CHM: variants seen among roughly 807,000 people sequenced by gnomAD.
CHM encodes rab proteins geranylgeranyltransferase component A 1.
Under a neutral mutation model 49.0 loss-of-function variants are expected in CHM, and 10 were observed. The observed-to-expected ratio is 0.20, with a 90% CI of 0.13 to 0.35. The LOEUF (loss-of-function observed/expected upper bound fraction) is 0.35. CHM is among the 10% of genes least tolerant of loss of function. The probability of loss-of-function intolerance (pLI) is 1.00; values close to 1 mark genes in which losing one functional copy is unlikely to be tolerated. For synonymous variants in CHM, 184 were observed against 167.5 expected, an observed-to-expected ratio of 1.10 and a Z score of -0.76; for missense variants, 455 against 478.4, an observed-to-expected ratio of 0.95 and a Z score of 0.46.
chrX:85,888,319 T>C lies in CHM; in HGVS notation c.1510+5869A>G, dbSNP rs151088587. ...TTATTAAATGCAAGTTTAAACACAA[T>C]ATTTCAATTTTCAAATTGGCAAAAG... On this transcript the variant is annotated intron_variant, in intron 12 of 14. Transcript: ENST00000357749. Among the ~76,000 whole-genome samples, 969 of 112,086 alleles carry C rather than the reference T, an allele frequency of 8.6e-3. 16 individuals are homozygous for C. The highest frequency in any genetic ancestry group is 0.08 in the East Asian group (282 of 3,505).
chrX:85,884,720 G>A (rs921557241), intron 12 of CHM, among the ~76,000 whole-genome samples: 5 of 110,843 alleles, frequency 4.5e-5, no homozygotes, highest in Non-Finnish European at 9.5e-5. Context: ...TCATTAAAGA[G>A]AATAAAAAGT....
At chrX:85,950,007 A>ATATATATATATATATATC (rs1929653898) in intron 8 of CHM, among the ~76,000 whole-genome samples, 4 of 81,936 alleles carry the variant, frequency 4.9e-5, no homozygotes, top group Non-Finnish European at 7.1e-5. Flanking sequence ...ATATATATAT[A>ATATATATATATATATATC]TATCTTGTAA....
chrX:85,964,509 A>C (rs1339672733), intron 4 of CHM, among the ~76,000 whole-genome samples: 1 of 111,311 alleles, frequency 9.0e-6, no homozygotes, highest in Non-Finnish European at 1.9e-5. Context: ...TTTGAAGATT[A>C]AATTAAGTAC....
intron 2 of CHM, among the ~76,000 whole-genome samples, chrX:86,015,654 C>A (rs1480099803): frequency 1.8e-5 from 2 of 111,822 alleles, no homozygotes; most frequent in Non-Finnish European, 1.9e-5. Flanking sequence ...AAGGTCTGGG[C>A]GGAGGTGGCC....
At chrX:85,924,523 G>T (rs949871866) in intron 8 of CHM, among the ~76,000 whole-genome samples, 6 of 111,701 alleles carry the variant, frequency 5.4e-5, no homozygotes, top group Admixed American at 3.8e-4. Flanking sequence ...CACCTGTGGG[G>T]TGATTATTAG....
At chrX:85,902,284 A>G (rs1297250100) in intron 9 of CHM, among the ~76,000 whole-genome samples, 2 of 111,668 alleles carry the variant, frequency 1.8e-5, no homozygotes, top group African/African-American at 3.2e-5. Flanking sequence ...AATAAGCCAT[A>G]TAAGTGATAT....
In CHM at chrX:85,957,682, TTTAA is replaced by T. The variant is rs780358998; in HGVS notation, c.940+169_940+172del. ...CTGAATTTATTTTATTTTATTTCAC[TTTAA>T]TTAATTTAAATTTAAATAGCTAAAT... On this transcript the variant is annotated intron_variant, in intron 7 of 14. Coordinates refer to ENST00000357749, the MANE Select transcript of CHM (RefSeq NM_000390.4). Among the ~76,000 whole-genome samples, 22 of 111,240 alleles carry T rather than the reference TTTAA, an allele frequency of 2.0e-4. No homozygotes were observed. The East Asian group carries it at 5.9e-3, about 30-fold the overall frequency.
intron 4 of CHM, among the ~76,000 whole-genome samples, chrX:85,967,319 C>T (rs1229041990): frequency 8.9e-6 from 1 of 112,059 alleles, no homozygotes. Context: ...CCTCAGAATC[C>T]AGTAATAGTT....
At chrX:85,984,536 A>G (rs1931806022) in intron 2 of CHM, among the ~76,000 whole-genome samples, 1 of 111,949 alleles carries the variant, frequency 8.9e-6, no homozygotes, top group African/African-American at 3.2e-5. Context: ...GCACTTTCTA[A>G]TATCTGGTAG....
intron 5 of CHM, among the ~76,000 whole-genome samples, chrX:85,960,846 G>A (rs952905976): frequency 9.0e-6 from 1 of 111,511 alleles, no homozygotes; most frequent in African/African-American, 3.3e-5. Flanking sequence ...TCCTTAGCAT[G>A]TTGGTTCCAT....
chrX:85,884,444 G>A (rs1247437737), intron 12 of CHM, among the ~76,000 whole-genome samples: 2 of 110,674 alleles, frequency 1.8e-5, no homozygotes, highest in Non-Finnish European at 3.8e-5. Context: ...GAAAGCTGAG[G>A]CACATAGAAA....
chrX:85,940,039 C>G (rs1016353953), intron 8 of CHM, among the ~76,000 whole-genome samples: 10 of 111,801 alleles, frequency 8.9e-5, no homozygotes, highest in Non-Finnish European at 1.5e-4. Context: ...TCAGGCTATA[C>G]AGAGAGCATG....
At chrX:85,972,547 G>A (rs942675256) in intron 4 of CHM, among the ~76,000 whole-genome samples, 7 of 113,210 alleles carry the variant, frequency 6.2e-5, no homozygotes, top group African/African-American at 1.6e-4. Flanking sequence ...CCACAGCGCC[G>A]GTGGGCTGGC....
chrX:85,890,430 T>A (rs1342681812), intron 12 of CHM, among the ~76,000 whole-genome samples: 1 of 111,911 alleles, frequency 8.9e-6, no homozygotes, highest in Non-Finnish European at 1.9e-5. Context: ...ACTTGAATTG[T>A]ATCTCCCAGA....
chrX:85,963,806 A>G lies in CHM; in HGVS notation c.561T>C (p.Cys187=), dbSNP rs1930422383. ...EKENHCDDKT[C]VPSTSAEDMS... is the part of the protein sequence containing the mutation. Reference sequence around the variant, plus strand: ...TGTCTTCTGCTGAAGTTGATGGCACACAAGTTTTATCATCACAATGGTTTT... The same window carrying G: ...TGTCTTCTGCTGAAGTTGATGGCACGCAAGTTTTATCATCACAATGGTTTT... Residue 187 remains cysteine (C), a synonymous_variant, in exon 5 of 15, where the codon TGT becomes TGC. Coordinates refer to ENST00000357749, the MANE Select transcript of CHM (RefSeq NM_000390.4). The G allele has an allele frequency of 2.5e-6, 3 of 1,211,918 alleles. No homozygotes were observed. The highest frequency in any genetic ancestry group is 3.3e-6 in the Non-Finnish European group (3 of 895,571).
chrX:86,016,199 C>T (rs1933295195), intron 2 of CHM, among the ~76,000 whole-genome samples: 1 of 110,433 alleles, frequency 9.1e-6, no homozygotes, highest in Non-Finnish European at 1.9e-5. Flanking sequence ...ATAAGGGAAG[C>T]AGGGCATAAA....
intron 1 of CHM, among the ~76,000 whole-genome samples, chrX:86,034,972 G>C (rs1934180053): frequency 1.8e-5 from 2 of 111,286 alleles, no homozygotes; most frequent in Admixed American, 1.9e-4. Flanking sequence ...TTGTGAATGA[G>C]GGGATAGTCC....
At chrX:85,911,464 A>G (rs907341193) in intron 8 of CHM, 126 bp from the exon 9 acceptor site, 2 of 291,871 alleles carry the variant, frequency 6.9e-6, no homozygotes, top group Admixed American at 3.7e-5. Flanking sequence ...ATAATGTACT[A>G]TTTTCTCTAT....
chrX:85,973,217 T>C (rs768302675), intron 4 of CHM, among the ~76,000 whole-genome samples: 20 of 96,016 alleles, frequency 2.1e-4, no homozygotes, highest in African/African-American at 8.0e-4. Flanking sequence ...GAGAATCACC[T>C]GAACCCGGGA....
Sources: gnomAD v4.1 joint callset for allele counts (sites outside exome capture counted in the v4.1 genomes callset) on GRCh38, gnomAD v4.1.1 for gene constraint, MANE v1.5 for transcripts, NCBI Gene and HGNC (gene_info 2026-07-23, HGNC 2026-07-21) for gene names.